Variants in STK11IP observed in about 807,000 individuals in gnomAD.
The protein encoded by STK11IP is serine/threonine-protein kinase 11-interacting protein.
Under a neutral mutation model 131.7 loss-of-function variants are expected in STK11IP, and 103 were observed. The ratio of observed to expected loss-of-function variants is 0.78; its 90% CI spans 0.67 to 0.92. STK11IP has a LOEUF of 0.92. STK11IP is among the 40% of genes least tolerant of loss of function. STK11IP has a pLI of 0.00. For synonymous variants in STK11IP, 557 were observed against 575.6 expected, an observed-to-expected ratio of 0.97 and a Z score of 0.46; for missense variants, 1,315 against 1,385.7, an observed-to-expected ratio of 0.95 and a Z score of 0.81.
At position 219,608,565 on chromosome 2, in the gene STK11IP, C is replaced by A; in HGVS notation, c.1604-18C>A. On this transcript the variant is annotated intron_variant, in intron 14 of 24. Coordinates refer to ENST00000456909, the MANE Select transcript of STK11IP (RefSeq NM_052902.4). ...TACTTTCCCTCCCTGCAGGCCTTTT[C>A]TCTTGGTCTCTCCACAGCGGAACTC... 2 of 1,565,418 alleles carry A rather than the reference C, an allele frequency of 1.3e-6. No homozygotes were observed. Among genetic ancestry groups the A allele is most frequent in the Non-Finnish European group, 1.7e-6 (2 of 1,154,426 alleles).
chr2:219,610,695 G>A (rs1698368712), intron 17 of STK11IP, among the ~76,000 whole-genome samples: 1 of 152,082 alleles, frequency 6.6e-6, no homozygotes, highest in African/African-American at 2.4e-5. Context: ...CACCACGCCC[G>A]GCCAACCATT....
intron 24 of STK11IP, chr2:219,615,582 G>A: frequency 3.0e-6 from 2 of 657,066 alleles, no homozygotes; most frequent in South Asian, 1.8e-5. Flanking sequence ...CATTTAGCTG[G>A]GCCACGAGGC....
chr2:219,605,900 A>G (rs111508481), intron 8 of STK11IP, 56 bp from the exon 9 acceptor site: 36,932 of 1,503,820 alleles, frequency 0.025, 660 homozygotes, highest in Admixed American at 0.09. Flanking sequence ...CATGCACCAC[A>G]CTCACTTGCG....
chr2:219,599,112 A>G (rs1207997658), intron 2 of STK11IP, among the ~76,000 whole-genome samples: 1 of 152,036 alleles, frequency 6.6e-6, no homozygotes, highest in Non-Finnish European at 1.5e-5. Context: ...TTTTTGAGAC[A>G]GAGTCTTGCT....
rs1364908449 is a variant in STK11IP at position 219,602,430 on chromosome 2, G to A, written c.439-38G>A. The A allele has an allele frequency of 3.3e-6, 5 of 1,502,458 alleles. No homozygotes were observed. The South Asian group carries it at 3.4e-5, about 10-fold the overall frequency. 93.1% of individuals were successfully genotyped at this position (1,502,458 alleles called of 1,614,324 possible). ...CTTGGCCTTGGCATAGGGAGGAAGG[G>A]GAGGGTGGGGTAATGAAGCACCCAT... On this transcript the variant is annotated intron_variant, in intron 5 of 24. Transcript: ENST00000456909.
intron 20 of STK11IP, 37 bp downstream of exon 20, chr2:219,613,262 G>C (rs778281828): frequency 1.0e-5 from 10 of 999,926 alleles, no homozygotes; most frequent in Non-Finnish European, 2.9e-6. Flanking sequence ...TAAGGGGGGA[G>C]ATGGGGTGAG....
At position 219,608,209 on chromosome 2, in the gene STK11IP, A is replaced by G. The variant is rs1468555466; in HGVS notation, c.1382A>G (p.Gln461Arg). 4 of 1,613,470 alleles carry G rather than the reference A, an allele frequency of 2.5e-6. No homozygotes were observed. The highest frequency in any genetic ancestry group is 3.4e-6 in the Non-Finnish European group (4 of 1,179,868). Residue 461 changes from glutamine (Q) to arginine (R), a missense_variant, in exon 14 of 25, where the codon CAG becomes CGG. Physicochemically the swap from Gln to Arg is conservative, Grantham distance 43. Transcript: ENST00000456909. The part of the protein sequence containing the change: ...SAPSAPPASS[Q>R]GPDTAPRPSP... ...CCCAGTGCACCTCCAGCCAGCTCCC[A>G]GGGCCCCGACACTGCACCCAGACCT...
At chr2:219,612,099 G>T in intron 19 of STK11IP, 41 bp downstream of exon 19, 1 of 1,548,072 alleles carries the variant, frequency 6.5e-7, no homozygotes. Flanking sequence ...CAGCTGTCCA[G>T]GGTGCCCACT....
chr2:219,614,840 A>G (rs1574634054), intron 23 of STK11IP: 1 of 629,366 alleles, frequency 1.6e-6, no homozygotes, highest in Admixed American at 2.6e-5. Flanking sequence ...TCAGTCACAG[A>G]AGGAGAGGGT....
At chr2:219,602,156 C>T (rs1574613748) in intron 5 of STK11IP, 73 bp downstream of exon 5, 1 of 1,141,050 alleles carries the variant, frequency 8.8e-7, no homozygotes, top group Non-Finnish European at 1.3e-6. Flanking sequence ...GATGTTCTCC[C>T]CTCTCTGCAG....
chr2:219,602,606 G>A, intron 6 of STK11IP, 31 bp downstream of exon 6: 1 of 1,612,344 alleles, frequency 6.2e-7, no homozygotes, highest in South Asian at 1.1e-5. Flanking sequence ...AGGGTTTCGA[G>A]GAAGGGCAAG....
rs1296790421 is a variant in STK11IP, at chr2:219,608,243, G to A, written c.1416G>A (p.Pro472=). The A allele has an allele frequency of 3.7e-6, 6 of 1,613,418 alleles. No individual in the cohort carries two copies. Among genetic ancestry groups the A allele is most frequent in the African/African-American group, 1.3e-5 (1 of 74,924 alleles). ...ACACTGCACCCAGACCTTCACCCCC[G>A]CAGGAGGAAGCCAGAGGCCCCCAGG... ...GPDTAPRPSP[P]QEEARGPQES... The change falls in exon 14 of 25, where the codon CCG becomes CCA. Residue 472 remains proline (P), a synonymous_variant. Transcript: ENST00000456909.
In STK11IP at chr2:219,607,089, C is replaced by G; in HGVS notation, c.1171C>G (p.Pro391Ala). 6.2e-7 allele frequency: 1 copy of G among 1,613,898 alleles called. No individual in the cohort carries two copies. Among genetic ancestry groups the G allele is most frequent in the Non-Finnish European group, 8.5e-7 (1 of 1,179,906 alleles). The change falls in exon 13 of 25, where the codon CCC becomes GCC. Residue 391 changes from proline to alanine, a missense_variant. By Grantham distance (27) the Pro-to-Ala change is conservative (BLOSUM62 -1). Transcript: ENST00000456909. Reference protein sequence around the residue: ...VRVRRASISEPSDTDPEPRTL... With the variant: ...VRVRRASISEASDTDPEPRTL... Reference sequence around the variant, plus strand: ...TGTGAGGCGGGCAAGCATCTCTGAACCCAGTGATACGGACCCGGAGCCCCG... The same window carrying G: ...TGTGAGGCGGGCAAGCATCTCTGAAGCCAGTGATACGGACCCGGAGCCCCG...
In STK11IP at chr2:219,616,376, GA is replaced by G. The variant is rs1187819043; in HGVS notation, c.*184del. 7 of 711,534 alleles carry G rather than the reference GA, an allele frequency of 9.8e-6. No individual in the cohort carries two copies. In the African/African-American group the frequency reaches 1.2e-4, roughly 13 times the overall value. The allele number at this position is 711,534 out of a possible 1,614,324, so 44.1% of individuals were successfully genotyped here. On this transcript the variant is annotated 3_prime_UTR_variant, in exon 25 of 25. Transcript: ENST00000456909. ...GCGAGAGAATGATCTGGCCTCAGGG[GA>G]CAGGCCACCTGGTCAGGAGGAATAT... is the stretch of plus-strand genomic sequence containing the variant.
chr2:219,605,676 C>A lies in STK11IP; in HGVS notation c.687C>A (p.Pro229=). The A allele has an allele frequency of 6.4e-7, 1 of 1,568,024 alleles. No homozygotes were observed. The highest frequency in any genetic ancestry group is 2.4e-5 in the East Asian group (1 of 42,508). ...TGCATTTGGTGCCAAGAATGGGACC[C>A]TCAGGGGCTGCTCTGGGGGTCCTGA... ...NRLHLVPRMG[P]SGAALGVLIL... is the part of the protein sequence containing the mutation. Residue 229 remains proline (P), a synonymous_variant, in exon 8 of 25, where the codon CCC becomes CCA. Transcript: ENST00000456909.
intron 9 of STK11IP, 53 bp downstream of exon 9, chr2:219,606,112 C>A (rs1209289014): frequency 4.5e-6 from 7 of 1,545,730 alleles, no homozygotes; most frequent in South Asian, 1.2e-5. Flanking sequence ...CGTACCCCCC[C>A]ATGCTGGTTT....
rs375380075 is a variant in STK11IP at position 219,613,811 on chromosome 2, G to T, written c.2597G>T (p.Gly866Val). Residue 866 changes from glycine (G) to valine (V), a missense_variant, in exon 21 of 25, where the codon GGC (glycine) becomes GTC (valine). Physicochemically the swap from Gly to Val is moderately radical, Grantham distance 109. Transcript: ENST00000456909. Reference sequence around the variant, plus strand: ...GCTGTTCCCCTGCAGGATCTGAGTGGCATAGAGCTGGGCCTGGCAGGCCAG... The same window carrying T: ...GCTGTTCCCCTGCAGGATCTGAGTGTCATAGAGCTGGGCCTGGCAGGCCAG... ...TLAVPLQDLS[G>V]IELGLAGQSL... The T allele has an allele frequency of 1.4e-5, 23 of 1,612,366 alleles. No individual in the cohort carries two copies. In the African/African-American group the frequency reaches 3.1e-4, roughly 21 times the overall value.
rs904499970 is a variant in STK11IP at position 219,616,268 on chromosome 2, G to A, written c.*75G>A. 1.3e-5 allele frequency: 19 copies of A among 1,514,714 alleles called. No homozygotes were observed. The highest frequency in any genetic ancestry group is 1.6e-5 in the Non-Finnish European group (18 of 1,127,470). The allele number at this position is 1,514,714 out of a possible 1,614,324, so 93.8% of individuals were successfully genotyped here. A position where few individuals can be genotyped will look rare whatever the true frequency, so the allele number is the denominator to read the frequency against. The stretch of plus-strand genomic sequence containing the variant: ...TTCCCTCTCCTGGTCTCTGGGTCTG[G>A]CTTCCAGGCTCTGGCTGTGGATGTC... On this transcript the variant is annotated 3_prime_UTR_variant, in exon 25 of 25. Coordinates refer to ENST00000456909, the MANE Select transcript of STK11IP (RefSeq NM_052902.4).
At chr2:219,603,898 A>AT (rs771507583) in intron 7 of STK11IP, among the ~76,000 whole-genome samples, 36 of 152,266 alleles carry the variant, frequency 2.4e-4, no homozygotes, top group Non-Finnish European at 4.3e-4. Flanking sequence ...CGCCACTTCA[A>AT]TTTGTGCAGA....
Sources: allele counts gnomAD v4.1 joint callset (sites outside exome capture counted in the v4.1 genomes callset), GRCh38; gene constraint gnomAD v4.1.1; transcripts MANE v1.5; gene names NCBI Gene and HGNC (gene_info 2026-07-23, HGNC 2026-07-21).